CLTC: variants seen among roughly 807,000 people sequenced by gnomAD.
CLTC encodes clathrin heavy chain.
In CLTC, 16 loss-of-function variants were observed where a neutral mutation model predicts 195.8. That is an observed-to-expected ratio of 0.08 (90% CI 0.06 to 0.12). The LOEUF is 0.12. Ranked by LOEUF, CLTC falls within the 10% of genes least tolerant of loss-of-function variation. The pLI is 1.00. For synonymous variants in CLTC, 667 were observed against 689.4 expected (o/e 0.97, Z 0.51); for missense variants, 796 against 2,027.0 (o/e 0.39, Z 11.66).
chr17:59,651,180 CAT>C (rs759567438), intron 4 of CLTC, 21 bp from the exon 5 acceptor site: 139 of 1,453,618 alleles, frequency 9.6e-5, no homozygotes, highest in Non-Finnish European at 1.3e-4. Flanking sequence ...GGTTTATATA[CAT>C]TTTGATTTTC....
chr17:59,647,620 C>A lies in CLTC; in HGVS notation c.473C>A (p.Thr158Lys), dbSNP rs1316004374. The change falls in exon 3 of 32, where the codon ACA becomes AAA. Residue 158 changes from threonine to lysine, a missense_variant. Around this residue, in one of 9 missense-constraint regions of CLTC, gnomAD observed 293 missense variants for 795.6 expected, o/e 0.37. Transcript: ENST00000269122. ...LAGCQIINYRTDAKQKWLLLT... is the reference protein window; with the variant it reads ...LAGCQIINYRKDAKQKWLLLT... ...GGGTGCCAGATTATCAATTACCGTA[C>A]AGATGCAAAACAAAAGTGGTTACTT... 1 of 1,613,932 alleles carries A rather than the reference C, an allele frequency of 6.2e-7. No homozygotes were observed. Among genetic ancestry groups the A allele is most frequent in the African/African-American group, 1.3e-5 (1 of 74,910 alleles).
Position 59,674,745 on chromosome 17 carries a change from T to C in CLTC, c.2463T>C (p.Asp821=). The C allele has an allele frequency of 6.2e-7, 1 of 1,613,376 alleles. No homozygotes were observed. Among genetic ancestry groups the C allele is most frequent in the Non-Finnish European group, 8.5e-7 (1 of 1,179,590 alleles). The change falls in exon 16 of 32, where the codon GAT becomes GAC. Residue 821 remains aspartate (D), a synonymous_variant. Coordinates refer to ENST00000269122, the MANE Select transcript of CLTC (RefSeq NM_004859.4). ...RLPVVIGGLL[D]VDCSEDVIKN... Reference sequence around the variant, plus strand: ...CTGTAGTTATTGGAGGATTACTTGATGTTGACTGTTCTGAAGATGTCATAA... The same window carrying C: ...CTGTAGTTATTGGAGGATTACTTGACGTTGACTGTTCTGAAGATGTCATAA...
chr17:59,696,546 AC>A lies in CLTC; in HGVS notation c.*2695del, dbSNP rs2033430832. ...GGCTTAAATAGTTTCTAACAAGATGACTATCAGGAAGCTATGTGGCTTGGGG... is the reference window on the plus strand; with the variant it reads ...GGCTTAAATAGTTTCTAACAAGATGATATCAGGAAGCTATGTGGCTTGGGG... On this transcript the variant is annotated 3_prime_UTR_variant, in exon 32 of 32. Transcript: ENST00000269122. The A allele has an allele frequency of 9.4e-6, 2 of 211,820 alleles. No individual in the cohort carries two copies. Among genetic ancestry groups the A allele is most frequent in the Admixed American group, 1.2e-4 (2 of 17,056 alleles). The allele number at this position is 211,820 out of a possible 1,614,324, so 13.1% of individuals were successfully genotyped here. A position where few individuals can be genotyped will look rare whatever the true frequency, so the allele number is the denominator to read the frequency against.
chr17:59,688,393 A>G (rs1201437697), intron 30 of CLTC, among the ~76,000 whole-genome samples: 1 of 152,228 alleles, frequency 6.6e-6, no homozygotes, highest in Non-Finnish European at 1.5e-5. Flanking sequence ...GTGAATTTTC[A>G]GTAGTACAGA....
chr17:59,653,534 C>T (rs1012012859), intron 5 of CLTC, among the ~76,000 whole-genome samples: 24 of 151,226 alleles, frequency 1.6e-4, no homozygotes, highest in Non-Finnish European at 2.1e-4. Flanking sequence ...CTCCTCTCTC[C>T]CCCTCTTTCT....
At chr17:59,662,350 G>A (rs2032629447) in intron 8 of CLTC, among the ~76,000 whole-genome samples, 1 of 152,072 alleles carries the variant, frequency 6.6e-6, no homozygotes, top group Non-Finnish European at 1.5e-5. Flanking sequence ...GCATATAATG[G>A]TAGTATGTTT....
chr17:59,656,705 G>A (rs8071796), intron 6 of CLTC, among the ~76,000 whole-genome samples: 83,326 of 131,358 alleles, frequency 0.63, 27,273 homozygotes, highest in Non-Finnish European at 0.75. Context: ...ATGGAGTCTT[G>A]CTCTGTCACC....
At chr17:59,653,547 C>T (rs1038785927) in intron 5 of CLTC, among the ~76,000 whole-genome samples, 1 of 150,880 alleles carries the variant, frequency 6.6e-6, no homozygotes, top group African/African-American at 2.4e-5. Context: ...CTCTTTCTTT[C>T]CCTTTCCCTC....
rs1160709745 is a variant in CLTC, at chr17:59,676,860, T to C, written c.2562-94T>C. ...GGGGAAAAAGTATGTGAAAGCACAT[T>C]ATAGACCATAAGGTATTTACATAGT... On this transcript the variant is annotated intron_variant, in intron 16 of 31. Coordinates refer to ENST00000269122, the MANE Select transcript of CLTC (RefSeq NM_004859.4). 1.9e-5 allele frequency: 18 copies of C among 954,444 alleles called. No homozygotes were observed. The East Asian group carries it at 4.1e-4, about 21-fold the overall frequency. 59.1% of individuals were successfully genotyped at this position (954,444 alleles called of 1,614,324 possible).
intron 1 of CLTC, among the ~76,000 whole-genome samples, chr17:59,630,092 C>T (rs8078749): frequency 0.77 from 117,643 of 152,000 alleles, 46,525 homozygotes; most frequent in East Asian, 0.93. Context: ...CCTCAACTTC[C>T]CAGGCTCCAG....
chr17:59,619,918 C>A lies in CLTC; in HGVS notation c.-214C>A, dbSNP rs1174550115. The A allele has an allele frequency of 1.9e-6, 1 of 536,368 alleles. No homozygotes were observed. The highest frequency in any genetic ancestry group is 3.3e-6 in the Non-Finnish European group (1 of 298,948). 33.2% of individuals were successfully genotyped at this position (536,368 alleles called of 1,614,324 possible). On this transcript the variant is annotated 5_prime_UTR_variant, in exon 1 of 32. Transcript: ENST00000269122. ...TCAGCCGTTTCCGGAGTCTGCGCTG[C>A]GCCCGGTTCCGCCATTGCGGCTCTC...
intron 7 of CLTC, 54 bp downstream of exon 7, chr17:59,660,642 T>A (rs1183194088): frequency 6.5e-7 from 1 of 1,541,146 alleles, no homozygotes; most frequent in African/African-American, 1.4e-5. Context: ...GTTAATATTC[T>A]GTTTCTTATA....
At position 59,643,065 on chromosome 17, in the gene CLTC, G is replaced by A. The variant is rs150309700; in HGVS notation, c.43-1211G>A. On this transcript the variant is annotated intron_variant, in intron 1 of 31. Coordinates refer to ENST00000269122, the MANE Select transcript of CLTC (RefSeq NM_004859.4). ...GTGGTGGTGTTTGTGGAGGAAAACT[G>A]TATTGCTAGAGGACAAGGGTGACAG... is the stretch of plus-strand genomic sequence containing the variant. Among the ~76,000 whole-genome samples, 1,505 of 151,800 alleles carry A rather than the reference G, an allele frequency of 9.9e-3. 14 individuals are homozygous for A. Among genetic ancestry groups the A allele is most frequent in the Non-Finnish European group, 0.015 (1,028 of 67,974 alleles).
chr17:59,626,270 C>T (rs1039848196), intron 1 of CLTC, among the ~76,000 whole-genome samples: 3 of 151,952 alleles, frequency 2.0e-5, no homozygotes, highest in East Asian at 3.9e-4. Flanking sequence ...TTTATGTGTT[C>T]GAACATTTGA....
At chr17:59,680,605 T>C (rs2033063233) in intron 18 of CLTC, among the ~76,000 whole-genome samples, 1 of 152,184 alleles carries the variant, frequency 6.6e-6, no homozygotes, top group Non-Finnish European at 1.5e-5. Context: ...ATTACCGATA[T>C]TTTAATTCCA....
At chr17:59,652,433 T>A (rs2032349736) in intron 5 of CLTC, among the ~76,000 whole-genome samples, 1 of 152,220 alleles carries the variant, frequency 6.6e-6, no homozygotes, top group Admixed American at 6.5e-5. Context: ...GCTGTGGTCT[T>A]ATGAAATAAT....
chr17:59,671,490 C>T (rs1348504622), intron 14 of CLTC, among the ~76,000 whole-genome samples: 2 of 152,076 alleles, frequency 1.3e-5, no homozygotes, highest in Non-Finnish European at 2.9e-5. Context: ...GTGTTAGCCA[C>T]CAGGAATAAA....
chr17:59,661,152 A>C (rs148106460), intron 7 of CLTC, among the ~76,000 whole-genome samples: 109 of 152,176 alleles, frequency 7.2e-4, no homozygotes, highest in African/African-American at 2.6e-3. Flanking sequence ...ATTGTAATTT[A>C]AGTTGATGTA....
intron 16 of CLTC, 67 bp downstream of exon 16, chr17:59,674,910 A>G (rs139848148): frequency 0.01 from 14,870 of 1,463,628 alleles, 105 homozygotes; most frequent in Middle Eastern, 0.034. Flanking sequence ...AAATATAGGT[A>G]GTCATTTGTT....
Sources: gnomAD v4.1 joint callset for allele counts (sites outside exome capture counted in the v4.1 genomes callset) on GRCh38, gnomAD v4.1.1 for gene constraint, gnomAD v4.1.1 regional missense constraint, MANE v1.5 for transcripts, NCBI Gene and HGNC (gene_info 2026-07-23, HGNC 2026-07-21) for gene names.